The following SNX7 variants were observed in gnomAD, a reference collection of about 807,000 sequenced individuals.
SNX7 encodes the protein sorting nexin 7, also known as sorting nexin-7.
Under a neutral mutation model 48.4 loss-of-function variants are expected in SNX7, and 35 were observed. That is an observed-to-expected ratio of 0.72 (90% CI 0.55 to 0.96). SNX7 has a LOEUF of 0.96. SNX7 is among the 40% of genes least tolerant of loss of function. The probability of loss-of-function intolerance (pLI) is 0.00; values close to 1 mark genes in which losing one functional copy is unlikely to be tolerated. For synonymous variants in SNX7, 190 were observed against 190.2 expected, an observed-to-expected ratio of 1.00 and a Z score of 0.01; for missense variants, 553 against 548.9, an observed-to-expected ratio of 1.01 and a Z score of -0.07.
At chr1:98,700,546 AT>A (rs910008491) in intron 6 of SNX7, among the ~76,000 whole-genome samples, 462 of 143,184 alleles carry the variant, frequency 3.2e-3, no homozygotes, top group Middle Eastern at 3.6e-3. Flanking sequence ...GCTTCCTTTG[AT>A]TTTTTTTTTT....
rs1461795728 is a variant in SNX7 at position 98,701,889 on chromosome 1, G to A, written c.1111G>A (p.Ala371Thr). 1 of 1,609,332 alleles carries A rather than the reference G, an allele frequency of 6.2e-7. No individual in the cohort carries two copies. The highest frequency in any genetic ancestry group is 8.5e-7 in the Non-Finnish European group (1 of 1,177,526). ...SKVEVLTYKK[A>T]DTDLLPEEIG... ...AGTTGAAGTTTTGACCTATAAAAAGGCAGATACTGATCTGGTAAGTTTTTA... is the reference window on the plus strand; with the variant it reads ...AGTTGAAGTTTTGACCTATAAAAAGACAGATACTGATCTGGTAAGTTTTTA... Residue 371 changes from alanine (A) to threonine (T), a missense_variant, in exon 7 of 9, where the codon GCA (alanine) becomes ACA (threonine). Coordinates refer to ENST00000306121, the MANE Select transcript of SNX7 (RefSeq NM_015976.5).
intron 7 of SNX7, among the ~76,000 whole-genome samples, chr1:98,711,109 C>T (rs561363058): frequency 5.3e-4 from 81 of 152,182 alleles, no homozygotes; most frequent in Admixed American, 1.2e-3. Context: ...CTCTGTCTCC[C>T]GGGTTCAAGT....
At chr1:98,753,189 G>C (rs1325946171) in intron 8 of SNX7, among the ~76,000 whole-genome samples, 4 of 152,032 alleles carry the variant, frequency 2.6e-5, no homozygotes, top group Non-Finnish European at 5.9e-5. Flanking sequence ...GTATATGGCA[G>C]TTGTTAATGT....
In SNX7 at chr1:98,739,398, T is replaced by C. The variant is rs1000612316; in HGVS notation, c.1278+1009T>C. 3.3e-5 allele frequency among the ~76,000 whole-genome samples: 5 copies of C among 152,274 alleles called. No homozygotes were observed. In the South Asian group the frequency reaches 6.2e-4, roughly 19 times the overall value. Reference sequence around the variant, plus strand: ...TTTAAAAGAACTTTAAACTGAAATATTATATATCTTGAAAGATTAACTGAT... The same window carrying C: ...TTTAAAAGAACTTTAAACTGAAATACTATATATCTTGAAAGATTAACTGAT... On this transcript the variant is annotated intron_variant, in intron 8 of 8. Transcript: ENST00000306121.
rs761860681 is a variant in SNX7, at chr1:98,691,101, T to C, written c.390T>C (p.Ser130=). 6.2e-7 allele frequency: 1 copy of C among 1,607,468 alleles called. No individual in the cohort carries two copies. The highest frequency in any genetic ancestry group is 8.5e-7 in the Non-Finnish European group (1 of 1,176,318). ...CATCTCGTGGGGAATTTGACTCCAGTGAATTTGAAGTTAGGAGACGATATC... is the reference window on the plus strand; with the variant it reads ...CATCTCGTGGGGAATTTGACTCCAGCGAATTTGAAGTTAGGAGACGATATC... The part of the protein sequence containing the change: ...TKTSRGEFDS[S]EFEVRRRYQD... The change falls in exon 3 of 9, where the codon AGT becomes AGC. Residue 130 remains serine, a synonymous_variant. Transcript: ENST00000306121.
At chr1:98,665,273 G>A (rs1331588105) in intron 1 of SNX7, among the ~76,000 whole-genome samples, 2 of 152,086 alleles carry the variant, frequency 1.3e-5, no homozygotes, top group African/African-American at 4.8e-5. Flanking sequence ...TCATCTTTGA[G>A]AAATCATGAA....
At chr1:98,715,910 C>T (rs981119739) in intron 7 of SNX7, among the ~76,000 whole-genome samples, 2 of 151,960 alleles carry the variant, frequency 1.3e-5, no homozygotes, top group Admixed American at 1.3e-4. Context: ...TCTGTTTAAT[C>T]ATATTCACAC....
chr1:98,740,228 C>A (rs1436398481), intron 8 of SNX7, among the ~76,000 whole-genome samples: 2 of 152,084 alleles, frequency 1.3e-5, no homozygotes, highest in Non-Finnish European at 2.9e-5. Context: ...TAAAGTATTT[C>A]TTTTTAATAA....
intron 4 of SNX7, 27 bp downstream of exon 4, chr1:98,691,726 T>A: frequency 6.5e-7 from 1 of 1,549,372 alleles, no homozygotes; most frequent in Non-Finnish European, 8.8e-7. Flanking sequence ...TATACTCATA[T>A]AATCTTTGGG....
chr1:98,668,530 CTG>C (rs1404461443), intron 1 of SNX7, among the ~76,000 whole-genome samples: 3 of 152,204 alleles, frequency 2.0e-5, no homozygotes, highest in African/African-American at 7.2e-5. Context: ...TCCATTAACA[CTG>C]TCTTCCTTTG....
intron 7 of SNX7, among the ~76,000 whole-genome samples, chr1:98,713,228 G>T (rs1440331257): frequency 1.3e-5 from 2 of 152,068 alleles, no homozygotes; most frequent in Non-Finnish European, 2.9e-5. Context: ...GCTTCATCTG[G>T]CATTTTTATC....
intron 1 of SNX7, among the ~76,000 whole-genome samples, chr1:98,677,101 G>T (rs531824861): frequency 1.4e-3 from 218 of 152,268 alleles, no homozygotes; most frequent in Non-Finnish European, 2.3e-3. Flanking sequence ...AAAAAGTATA[G>T]AGTTGGAGAA....
At chr1:98,720,874 G>A (rs927068193) in intron 7 of SNX7, among the ~76,000 whole-genome samples, 7 of 152,020 alleles carry the variant, frequency 4.6e-5, no homozygotes, top group African/African-American at 1.7e-4. Flanking sequence ...TCTCATGGAA[G>A]TTTTAGCTTT....
At chr1:98,679,355 A>G (rs548001712) in intron 1 of SNX7, among the ~76,000 whole-genome samples, 4 of 151,774 alleles carry the variant, frequency 2.6e-5, no homozygotes, top group African/African-American at 9.6e-5. Flanking sequence ...TGTGGGAGTT[A>G]CAATTCAAGA....
chr1:98,752,195 C>A (rs1443163566), intron 8 of SNX7, among the ~76,000 whole-genome samples: 1 of 152,030 alleles, frequency 6.6e-6, no homozygotes, highest in African/African-American at 2.4e-5. Context: ...AGTAAATACT[C>A]ACTGTAATAA....
intron 1 of SNX7, among the ~76,000 whole-genome samples, chr1:98,672,930 C>A (rs1298658164): frequency 9.5e-4 from 84 of 88,510 alleles, no homozygotes; most frequent in South Asian, 1.9e-3. Context: ...GACTCCGTCT[C>A]AAAAAAAAAA....
chr1:98,662,563 A>G lies in SNX7; in HGVS notation c.180+652A>G, dbSNP rs1372295672. ...CTTGCCCCCGGGAAATTTAGGACCA[A>G]AGGCTCTTATTTGCTTATTTTACTG... On this transcript the variant is annotated intron_variant, in intron 1 of 8. Coordinates refer to ENST00000306121, the MANE Select transcript of SNX7 (RefSeq NM_015976.5). 4.9e-6 allele frequency: 4 copies of G among 813,452 alleles called. No homozygotes were observed. In the African/African-American group the frequency reaches 5.4e-5, roughly 11 times the overall value. 50.4% of individuals were successfully genotyped at this position (813,452 alleles called of 1,614,324 possible).
intron 8 of SNX7, among the ~76,000 whole-genome samples, chr1:98,741,593 A>G (rs1654072183): frequency 6.6e-6 from 1 of 152,196 alleles, no homozygotes; most frequent in Non-Finnish European, 1.5e-5. Flanking sequence ...AAACAAATGA[A>G]TAACGAAACA....
intron 7 of SNX7, among the ~76,000 whole-genome samples, chr1:98,706,106 A>G (rs747424865): frequency 5.1e-4 from 77 of 152,182 alleles, no homozygotes; most frequent in African/African-American, 1.8e-3. Context: ...AAGTTAATTG[A>G]CTATTTACCA....
Sources: allele counts gnomAD v4.1 joint callset (sites outside exome capture counted in the v4.1 genomes callset), GRCh38; gene constraint gnomAD v4.1.1; transcripts MANE v1.5; gene names NCBI Gene and HGNC (gene_info 2026-07-23, HGNC 2026-07-21).